Variants in MYO5C observed in about 807,000 individuals in gnomAD.
The protein encoded by MYO5C is myosin VC, also known as unconventional myosin-Vc.
A neutral mutation model predicts 235.7 loss-of-function variants in MYO5C; 194 were observed. That is an observed-to-expected ratio of 0.82 (90% CI 0.73 to 0.93). The LOEUF is 0.93. MYO5C is among the 40% of genes least tolerant of loss of function. The probability of loss-of-function intolerance (pLI) is 0.00; values close to 1 mark genes in which losing one functional copy is unlikely to be tolerated. For synonymous variants in MYO5C, 707 were observed against 754.8 expected (o/e 0.94, Z 1.04); for missense variants, 2,038 against 2,127.2 (o/e 0.96, Z 0.82).
rs2035053016 is a variant in MYO5C, at chr15:52,196,370, T to G, written c.4934A>C (p.Lys1645Thr). The G allele has an allele frequency of 6.2e-7, 1 of 1,614,164 alleles. No homozygotes were observed. The highest frequency in any genetic ancestry group is 2.2e-5 in the East Asian group (1 of 44,878). Residue 1645 changes from lysine to threonine, a missense_variant, in exon 39 of 41, where the codon AAG becomes ACG. Physicochemically the swap from Lys to Thr is moderately conservative, Grantham distance 78. Coordinates refer to ENST00000261839, the MANE Select transcript of MYO5C (RefSeq NM_018728.4). ...CTCCTTGGCATCACTGTCTGTGGTCTTCTTGACCTGAAGCAACCAGGCTGC... is the reference window on the plus strand; with the variant it reads ...CTCCTTGGCATCACTGTCTGTGGTCGTCTTGACCTGAAGCAACCAGGCTGC... ...SQAAWLLQVK[K>T]TTDSDAKEIY...
chr15:52,235,605 C>T, intron 23 of MYO5C, 65 bp downstream of exon 23: 3 of 1,323,600 alleles, frequency 2.3e-6, no homozygotes, highest in Non-Finnish European at 3.2e-6. Context: ...AACTGGTCAA[C>T]CCCAGTATTG....
chr15:52,232,761 G>A, intron 23 of MYO5C, 76 bp from the exon 24 acceptor site: 2 of 1,280,790 alleles, frequency 1.6e-6, no homozygotes, highest in East Asian at 2.3e-5. Context: ...GTTTAAGAAA[G>A]TGAGAATGTC....
intron 1 of MYO5C, among the ~76,000 whole-genome samples, chr15:52,291,225 A>C (rs1474181424): frequency 1.3e-5 from 2 of 152,150 alleles, no homozygotes; most frequent in African/African-American, 4.8e-5. Flanking sequence ...GTGCCACTAA[A>C]ATGGGCATCA....
intron 5 of MYO5C, 81 bp downstream of exon 5, chr15:52,275,481 G>C: frequency 6.4e-7 from 1 of 1,551,582 alleles, no homozygotes; most frequent in Non-Finnish European, 8.9e-7. Context: ...GTGGGAACTT[G>C]AATTAGCCAG....
intron 1 of MYO5C, among the ~76,000 whole-genome samples, chr15:52,290,170 A>G (rs528167547): frequency 1.9e-4 from 29 of 152,182 alleles, no homozygotes; most frequent in Middle Eastern, 3.4e-3. Flanking sequence ...TTGTGCTTGG[A>G]ATCCAATGCA....
At chr15:52,253,588 A>G in intron 11 of MYO5C, 131 bp from the exon 12 acceptor site, 2 of 836,062 alleles carry the variant, frequency 2.4e-6, no homozygotes, top group South Asian at 3.3e-5. Context: ...AGGACCCTGA[A>G]GTATAGACAA....
At chr15:52,237,921 C>A (rs1187715385) in intron 21 of MYO5C, among the ~76,000 whole-genome samples, 3 of 151,234 alleles carry the variant, frequency 2.0e-5, no homozygotes, top group Admixed American at 6.6e-5. Flanking sequence ...TGAACTGTGC[C>A]CCCCGCCAAA....
At chr15:52,217,517 C>T (rs2035582617) in intron 32 of MYO5C, among the ~76,000 whole-genome samples, 1 of 152,230 alleles carries the variant, frequency 6.6e-6, no homozygotes. Context: ...CAAGGCAAGG[C>T]AGCCTCACAC....
chr15:52,271,240 T>G (rs540654362), intron 7 of MYO5C, among the ~76,000 whole-genome samples: 1 of 152,092 alleles, frequency 6.6e-6, no homozygotes, highest in African/African-American at 2.4e-5. Context: ...CTATTTTTTT[T>G]TTTTTTGAGA....
At chr15:52,214,474 G>A (rs2035510959) in intron 33 of MYO5C, 129 bp downstream of exon 33, 1 of 665,982 alleles carries the variant, frequency 1.5e-6, no homozygotes, top group Non-Finnish European at 2.4e-6. Context: ...CCCAGCACTA[G>A]GTCACAAACC....
At chr15:52,225,328 C>T (rs989963799) in intron 26 of MYO5C, 111 bp downstream of exon 26, 1 of 1,102,044 alleles carries the variant, frequency 9.1e-7, no homozygotes, top group Non-Finnish European at 1.4e-6. Flanking sequence ...ACTAAGCAAT[C>T]TACCATATGT....
chr15:52,221,037 T>G, intron 30 of MYO5C, 125 bp downstream of exon 30: 1 of 681,568 alleles, frequency 1.5e-6, no homozygotes, highest in South Asian at 2.0e-5. Flanking sequence ...CTTCTCACAT[T>G]TGTTACCTGC....
chr15:52,246,804 A>T (rs2036356681), intron 16 of MYO5C, 113 bp downstream of exon 16: 7 of 745,822 alleles, frequency 9.4e-6, no homozygotes, highest in Non-Finnish European at 1.3e-5. Flanking sequence ...CTGAATCATT[A>T]AAAAAAAACC....
At position 52,224,994 on chromosome 15, in the gene MYO5C, G is replaced by C. The variant is rs1296905648; in HGVS notation, c.3366-13C>G. ...TTCCACAGAGAGCCTGCAAAATAAG[G>C]AAGATAAGAAAATCTATCATCTCTG... On this transcript the variant is annotated splice_polypyrimidine_tract_variant and intron_variant, in intron 27 of 40. Coordinates refer to ENST00000261839, the MANE Select transcript of MYO5C (RefSeq NM_018728.4). The C allele has an allele frequency of 6.2e-7, 1 of 1,613,526 alleles. No individual in the cohort carries two copies.
Position 52,272,633 on chromosome 15 carries a change from T to C in MYO5C, c.697A>G (p.Ile233Val). 6.2e-7 allele frequency: 1 copy of C among 1,614,168 alleles called. No individual in the cohort carries two copies. The highest frequency in any genetic ancestry group is 8.5e-7 in the Non-Finnish European group (1 of 1,179,984). Reference sequence around the variant, plus strand: ...AGGTAAGTGCTCATGTTGGCTCCTATAATTTGATTTTGTTCATCAAAACTG... The same window carrying C: ...AGGTAAGTGCTCATGTTGGCTCCTACAATTTGATTTTGTTCATCAAAACTG... ...EISFDEQNQI[I>V]GANMSTYLLE... The change falls in exon 6 of 41, where the codon ATA becomes GTA. Residue 233 changes from isoleucine to valine, a missense_variant. By Grantham distance (29) the Ile-to-Val change is conservative. Coordinates refer to ENST00000261839, the MANE Select transcript of MYO5C (RefSeq NM_018728.4).
intron 2 of MYO5C, among the ~76,000 whole-genome samples, chr15:52,282,573 T>G (rs1596230620): frequency 6.6e-6 from 1 of 152,110 alleles, no homozygotes; most frequent in Non-Finnish European, 1.5e-5. Flanking sequence ...AGAGGCCCGG[T>G]GGATGCAGGG....
At chr15:52,217,870 G>C (rs952492202) in intron 32 of MYO5C, among the ~76,000 whole-genome samples, 1 of 152,110 alleles carries the variant, frequency 6.6e-6, no homozygotes, top group Non-Finnish European at 1.5e-5. Flanking sequence ...AAGCTCTCAG[G>C]TTTCGAAGGG....
intron 4 of MYO5C, chr15:52,277,740 A>G (rs1350696101): frequency 4.8e-6 from 2 of 419,286 alleles, no homozygotes; most frequent in East Asian, 1.4e-4. Flanking sequence ...CACCCCAGGG[A>G]CAGGGAGCTG....
intron 13 of MYO5C, 100 bp from the exon 14 acceptor site, chr15:52,248,883 C>T: frequency 1.2e-6 from 1 of 820,436 alleles, no homozygotes. Flanking sequence ...ATAAAAAAGG[C>T]TACAGAGGCA....
Sources: gnomAD v4.1 joint callset for allele counts (sites outside exome capture counted in the v4.1 genomes callset) on GRCh38, gnomAD v4.1.1 for gene constraint, MANE v1.5 for transcripts, NCBI Gene and HGNC (gene_info 2026-07-23, HGNC 2026-07-21) for gene names.